Variants in MTUS2 observed in about 807,000 individuals in gnomAD.
The protein encoded by MTUS2 is microtubule-associated tumor suppressor candidate 2.
A neutral mutation model predicts 114.1 loss-of-function variants in MTUS2; 40 were observed. That is an observed-to-expected ratio of 0.35 (90% CI 0.27 to 0.46). The LOEUF (loss-of-function observed/expected upper bound fraction) is 0.46. MTUS2 is among the 20% of genes least tolerant of loss of function. The pLI is 1.00. For missense variants in MTUS2, 1,679 were observed against 1,705.4 expected (o/e 0.98, Z 0.27); for synonymous variants, 688 against 672.0 (o/e 1.02, Z -0.37).
intron 2 of MTUS2, among the ~76,000 whole-genome samples, chr13:29,003,583 A>G (rs1885475569): frequency 6.6e-6 from 1 of 152,214 alleles, no homozygotes; most frequent in Non-Finnish European, 1.5e-5. Flanking sequence ...CGACATATCT[A>G]GTACTGTATC....
chr13:29,113,473 A>C (rs1012494435), intron 5 of MTUS2, among the ~76,000 whole-genome samples: 2 of 152,186 alleles, frequency 1.3e-5, no homozygotes, highest in African/African-American at 4.8e-5. Context: ...TGCCCAATCG[A>C]AATTTCTGCA....
At chr13:29,134,462 G>A (rs530730322) in intron 5 of MTUS2, among the ~76,000 whole-genome samples, 1 of 152,068 alleles carries the variant, frequency 6.6e-6, no homozygotes, top group African/African-American at 2.4e-5. Context: ...TAAGAATGGG[G>A]TATCAAAGTC....
chr13:28,829,549 T>C (rs6490332), intron 1 of MTUS2, among the ~76,000 whole-genome samples: 72,920 of 151,020 alleles, frequency 0.48, 18,152 homozygotes, highest in Non-Finnish European at 0.53. Flanking sequence ...AAACAAACAA[T>C]AACTAATAGC....
intron 5 of MTUS2, among the ~76,000 whole-genome samples, chr13:29,256,578 A>C (rs1897290559): frequency 6.6e-6 from 1 of 152,262 alleles, no homozygotes; most frequent in Non-Finnish European, 1.5e-5. Context: ...TATAGCTGGC[A>C]CTGAGGTCAT....
At chr13:29,176,822 C>T (rs1424354943) in intron 5 of MTUS2, among the ~76,000 whole-genome samples, 1 of 151,346 alleles carries the variant, frequency 6.6e-6, no homozygotes, top group Non-Finnish European at 1.5e-5. Flanking sequence ...GCTTGGCCAT[C>T]TCCACATCTC....
chr13:29,073,801 G>A lies in MTUS2; in HGVS notation c.2447-26972G>A, dbSNP rs1243588610. Reference sequence around the variant, plus strand: ...AAAGTTTCCTAAAGTCCCTACAAATGATTGTATTTTCAGGTGTGCATGCTC... The same window carrying A: ...AAAGTTTCCTAAAGTCCCTACAAATAATTGTATTTTCAGGTGTGCATGCTC... On this transcript the variant is annotated intron_variant, in intron 4 of 15. Coordinates refer to ENST00000612955, the MANE Select transcript of MTUS2 (RefSeq NM_001033602.4). Among the ~76,000 whole-genome samples, 5 of 152,058 alleles carry A rather than the reference G, an allele frequency of 3.3e-5. No homozygotes were observed. The South Asian group carries it at 1.0e-3, about 32-fold the overall frequency.
At chr13:29,446,356 G>T (rs930979323) in intron 9 of MTUS2, among the ~76,000 whole-genome samples, 8 of 152,194 alleles carry the variant, frequency 5.3e-5, no homozygotes, top group Non-Finnish European at 8.8e-5. Flanking sequence ...TTTCATTTTA[G>T]GGATCAGTCT....
chr13:29,362,997 G>C (rs760785165), intron 8 of MTUS2, among the ~76,000 whole-genome samples: 31 of 152,204 alleles, frequency 2.0e-4, no homozygotes, highest in Non-Finnish European at 2.9e-4. Context: ...GTTGCAGGCA[G>C]CTCTGCCCCT....
chr13:29,406,808 T>C (rs1874790146), intron 8 of MTUS2, among the ~76,000 whole-genome samples: 1 of 96,946 alleles, frequency 1.0e-5, no homozygotes, highest in South Asian at 3.0e-4. Flanking sequence ...TATATAAATA[T>C]CATGCTGTAA....
chr13:28,994,135 A>G (rs1397806069), intron 2 of MTUS2, among the ~76,000 whole-genome samples: 3 of 152,028 alleles, frequency 2.0e-5, no homozygotes, highest in Non-Finnish European at 2.9e-5. Flanking sequence ...ACCACCTATG[A>G]GTGAGAACAT....
intron 2 of MTUS2, among the ~76,000 whole-genome samples, chr13:28,998,940 C>T (rs921197423): frequency 4.6e-5 from 7 of 152,204 alleles, no homozygotes; most frequent in East Asian, 1.9e-4. Context: ...TGAGGAGCTG[C>T]GTTCCTTTGG....
intron 5 of MTUS2, among the ~76,000 whole-genome samples, chr13:29,146,195 G>C (rs1466046870): frequency 6.6e-6 from 1 of 152,144 alleles, no homozygotes; most frequent in Non-Finnish European, 1.5e-5. Flanking sequence ...CATAACTTCT[G>C]GGAGTCTCTC....
intron 6 of MTUS2, among the ~76,000 whole-genome samples, chr13:29,283,059 A>G (rs1898338851): frequency 6.6e-6 from 1 of 152,142 alleles, no homozygotes; most frequent in Admixed American, 6.5e-5. Context: ...GCTTTGTTTG[A>G]TGCATTAATA....
chr13:29,432,240 C>T lies in MTUS2; in HGVS notation c.3118-7743C>T, dbSNP rs913692315. 4.6e-5 allele frequency among the ~76,000 whole-genome samples: 7 copies of T among 152,174 alleles called. No homozygotes were observed. In the East Asian group the frequency reaches 7.7e-4, roughly 17 times the overall value. ...CAGAGATGCAGTCTGTAGAAAGACT[C>T]GTCCACAGGTATTTGAAAGGAATGA... On this transcript the variant is annotated intron_variant, in intron 8 of 15. Coordinates refer to ENST00000612955, the MANE Select transcript of MTUS2 (RefSeq NM_001033602.4).
intron 4 of MTUS2, among the ~76,000 whole-genome samples, chr13:29,090,666 G>A (rs1889902673): frequency 6.6e-6 from 1 of 152,264 alleles, no homozygotes; most frequent in Non-Finnish European, 1.5e-5. Flanking sequence ...GGTAGGCAGG[G>A]ACTGCAGGAG....
At chr13:29,375,999 ATG>A (rs56731342) in intron 8 of MTUS2, among the ~76,000 whole-genome samples, 125,455 of 146,762 alleles carry the variant, frequency 0.85, 53,108 homozygotes, top group East Asian at 0.92. Context: ...TTAAACATAT[ATG>A]TGTGTGTGTG....
At chr13:29,045,848 T>A (rs1255222982) in intron 4 of MTUS2, among the ~76,000 whole-genome samples, 1 of 152,180 alleles carries the variant, frequency 6.6e-6, no homozygotes, top group Non-Finnish European at 1.5e-5. Context: ...TCTCCCCTCC[T>A]GGGCTGTAAA....
chr13:28,898,781 A>G (rs1566207081), intron 2 of MTUS2, among the ~76,000 whole-genome samples: 2 of 152,212 alleles, frequency 1.3e-5, no homozygotes, highest in African/African-American at 2.4e-5. Context: ...TACTTAGCAA[A>G]TAATATCATG....
At chr13:29,346,027 C>T (rs112427155) in intron 7 of MTUS2, among the ~76,000 whole-genome samples, 11,555 of 152,204 alleles carry the variant, frequency 0.076, 1,480 homozygotes, top group African/African-American at 0.26. Flanking sequence ...GTCTGTCAGC[C>T]GTGAGTAACG....
Sources: gnomAD v4.1 joint callset for allele counts (sites outside exome capture counted in the v4.1 genomes callset) on GRCh38, gnomAD v4.1.1 for gene constraint, MANE v1.5 for transcripts, NCBI Gene and HGNC (gene_info 2026-07-23, HGNC 2026-07-21) for gene names.